The following RMND5A variants were observed in gnomAD, a reference collection of about 807,000 sequenced individuals.
RMND5A encodes required for meiotic nuclear division 5 homolog A.
In RMND5A, 17 loss-of-function variants were observed where a neutral mutation model predicts 49.7. The ratio of observed to expected loss-of-function variants is 0.34; its 90% CI spans 0.23 to 0.51. The LOEUF (loss-of-function observed/expected upper bound fraction) is 0.51, where lower values mean the gene tolerates loss of function less well. Ranked by LOEUF, RMND5A falls within the 20% of genes least tolerant of loss-of-function variation. The probability of loss-of-function intolerance (pLI) is 0.96; values close to 1 mark genes in which losing one functional copy is unlikely to be tolerated. For synonymous variants in RMND5A, 156 were observed against 167.7 expected, an observed-to-expected ratio of 0.93 and a Z score of 0.54; for missense variants, 255 against 471.3, an observed-to-expected ratio of 0.54 and a Z score of 4.25.
chr2:86,768,048 CTG>C (rs936698020), intron 6 of RMND5A, among the ~76,000 whole-genome samples: 5 of 152,114 alleles, frequency 3.3e-5, no homozygotes, highest in African/African-American at 1.2e-4. Context: ...GTTTTGGAAA[CTG>C]TAGTTATTTT....
chr2:86,765,540 T>G (rs1017164139), intron 5 of RMND5A: 1 of 347,268 alleles, frequency 2.9e-6, no homozygotes, highest in Non-Finnish European at 5.2e-6. Flanking sequence ...CCCACGAAAC[T>G]GTGTAGGAAA....
chr2:86,728,988 T>A (rs1397269954), intron 1 of RMND5A, among the ~76,000 whole-genome samples: 2 of 151,854 alleles, frequency 1.3e-5, no homozygotes, highest in Admixed American at 1.3e-4. Context: ...TCTCTTGACC[T>A]CGTAATCTGC....
intron 4 of RMND5A, among the ~76,000 whole-genome samples, chr2:86,759,109 A>G (rs910126605): frequency 6.6e-6 from 1 of 152,206 alleles, no homozygotes; most frequent in African/African-American, 2.4e-5. Flanking sequence ...TATTACTAGA[A>G]ATAGACACCC....
chr2:86,769,960 C>T (rs968375072), intron 6 of RMND5A, 63 bp from the exon 7 acceptor site: 61 of 1,179,128 alleles, frequency 5.2e-5, no homozygotes, highest in Middle Eastern at 2.4e-4. Flanking sequence ...AAATTGATGT[C>T]TCCTTGGACC....
At chr2:86,769,567 T>G (rs528946679) in intron 6 of RMND5A, among the ~76,000 whole-genome samples, 2 of 152,316 alleles carry the variant, frequency 1.3e-5, no homozygotes, top group Non-Finnish European at 2.9e-5. Flanking sequence ...GCTCTTCATT[T>G]GAATTAATTG....
At chr2:86,745,897 G>A (rs1573434210) in intron 2 of RMND5A, among the ~76,000 whole-genome samples, 1 of 152,148 alleles carries the variant, frequency 6.6e-6, no homozygotes, top group East Asian at 1.9e-4. Context: ...CTTAAACACT[G>A]TGCTGTACTA....
At chr2:86,732,396 A>G (rs1402059599) in intron 1 of RMND5A, among the ~76,000 whole-genome samples, 2 of 149,448 alleles carry the variant, frequency 1.3e-5, no homozygotes, top group Non-Finnish European at 2.9e-5. Flanking sequence ...GTACTTGTCA[A>G]TATTAATGAT....
chr2:86,742,338 T>A (rs1401422112), intron 2 of RMND5A, among the ~76,000 whole-genome samples: 2 of 151,796 alleles, frequency 1.3e-5, no homozygotes, highest in Non-Finnish European at 2.9e-5. Context: ...CTGGGGAGAT[T>A]GTGGGGAGAT....
chr2:86,745,470 C>G (rs754280956), intron 2 of RMND5A, among the ~76,000 whole-genome samples: 1 of 152,006 alleles, frequency 6.6e-6, no homozygotes, highest in African/African-American at 2.4e-5. Flanking sequence ...CCTTGAGGCT[C>G]GGAAAGGGCA....
At chr2:86,720,839 A>G in intron 1 of RMND5A, 30 bp downstream of exon 1, 1 of 1,552,002 alleles carries the variant, frequency 6.4e-7, no homozygotes, top group South Asian at 1.2e-5. Flanking sequence ...CGCGCGGGGC[A>G]TGGCCCACTG....
In RMND5A at chr2:86,775,607, C is replaced by T. The variant is rs1672754983; in HGVS notation, c.*2196C>T. 1 of 152,070 alleles carries T rather than the reference C, an allele frequency of 6.6e-6. No individual in the cohort carries two copies. Among genetic ancestry groups the T allele is most frequent in the African/African-American group, 2.4e-5 (1 of 41,422 alleles). 9.4% of individuals were successfully genotyped at this position (152,070 alleles called of 1,614,324 possible). On this transcript the variant is annotated 3_prime_UTR_variant, in exon 9 of 9. Coordinates refer to ENST00000283632, the MANE Select transcript of RMND5A (RefSeq NM_022780.4). ...CGGTTTTTTGTGCAGCTCAAGAAAA[C>T]TTTGAAAAGAACATGCTTTAACTGA... is the stretch of plus-strand genomic sequence containing the variant.
Position 86,773,499 on chromosome 2 carries a change from A to T in RMND5A, c.*88A>T. ...ACGTTCCATATAATGCAGCTAACCA[A>T]GGACTCCTGTGTTTCTATAAGCTAA... On this transcript the variant is annotated 3_prime_UTR_variant, in exon 9 of 9. Coordinates refer to ENST00000283632, the MANE Select transcript of RMND5A (RefSeq NM_022780.4). 1.2e-6 allele frequency: 1 copy of T among 838,160 alleles called. No individual in the cohort carries two copies. Among genetic ancestry groups the T allele is most frequent in the Non-Finnish European group, 2.0e-6 (1 of 492,232 alleles). 51.9% of individuals were successfully genotyped at this position (838,160 alleles called of 1,614,324 possible). A position where few individuals can be genotyped will look rare whatever the true frequency, so the allele number is the denominator to read the frequency against.
At chr2:86,766,651 G>A (rs12714203) in intron 6 of RMND5A, among the ~76,000 whole-genome samples, 96,229 of 139,594 alleles carry the variant, frequency 0.69, 32,997 homozygotes, top group East Asian at 0.91. Flanking sequence ...GCAACAATGC[G>A]AGACTGTCTC....
At chr2:86,769,857 T>C (rs1391815544) in intron 6 of RMND5A, among the ~76,000 whole-genome samples, 166 bp from the exon 7 acceptor site, 1 of 152,222 alleles carries the variant, frequency 6.6e-6, no homozygotes, top group Non-Finnish European at 1.5e-5. Flanking sequence ...AAGTTATTTC[T>C]CTTCTAGTGG....
chr2:86,761,222 G>A (rs560957284), intron 4 of RMND5A, among the ~76,000 whole-genome samples: 1 of 152,296 alleles, frequency 6.6e-6, no homozygotes, highest in East Asian at 1.9e-4. Context: ...CATTAAGGCG[G>A]ATGTTAACAA....
In RMND5A at chr2:86,765,090, C is replaced by T; in HGVS notation, c.585C>T (p.His195=). ...ACAGCTCCTTGGAATTTAAGCTACA[C>T]AGACTGTATTTTATTAGCTTGTTAA... is the stretch of plus-strand genomic sequence containing the variant. ...AQNSSLEFKL[H]RLYFISLLMG... Residue 195 remains histidine (H), a synonymous_variant, in exon 5 of 9, where the codon CAC becomes CAT. Coordinates refer to ENST00000283632, the MANE Select transcript of RMND5A (RefSeq NM_022780.4). 3 of 1,614,034 alleles carry T rather than the reference C, an allele frequency of 1.9e-6. No individual in the cohort carries two copies. Among genetic ancestry groups the T allele is most frequent in the South Asian group, 1.1e-5 (1 of 91,080 alleles).
At chr2:86,760,615 C>T (rs1672462719) in intron 4 of RMND5A, among the ~76,000 whole-genome samples, 1 of 152,186 alleles carries the variant, frequency 6.6e-6, no homozygotes, top group African/African-American at 2.4e-5. Context: ...GTCAGTTACT[C>T]TCAGGCAACA....
At chr2:86,760,965 AGTGTGTGTGTGTGTGTGTGTGT>A (rs35942120) in intron 4 of RMND5A, among the ~76,000 whole-genome samples, 2 of 145,330 alleles carry the variant, frequency 1.4e-5, no homozygotes, top group Non-Finnish European at 3.0e-5. Flanking sequence ...GAGAGAGAGA[AGTGTGTGTGTGTGTGTGTGTGT>A]GTGTGTGTGT....
At chr2:86,763,079 C>A (rs994166365) in intron 4 of RMND5A, among the ~76,000 whole-genome samples, 1 of 152,054 alleles carries the variant, frequency 6.6e-6, no homozygotes, top group African/African-American at 2.4e-5. Context: ...TCACACTTTC[C>A]TCCCATTTAA....
Sources: gnomAD v4.1 joint callset for allele counts (sites outside exome capture counted in the v4.1 genomes callset) on GRCh38, gnomAD v4.1.1 for gene constraint, MANE v1.5 for transcripts, NCBI Gene and HGNC (gene_info 2026-07-23, HGNC 2026-07-21) for gene names.